Variants in KLK14 observed in about 807,000 individuals in gnomAD.
KLK14 encodes kallikrein-14.
A neutral mutation model predicts 24.6 loss-of-function variants in KLK14; 21 were observed. The ratio of observed to expected loss-of-function variants is 0.85; its 90% confidence interval spans 0.61 to 1.23. KLK14 has a LOEUF of 1.23. Ranked by LOEUF, KLK14 falls within the 50% of genes most tolerant of loss-of-function variation. The probability of loss-of-function intolerance (pLI) is 0.00; values close to 1 mark genes in which losing one functional copy is unlikely to be tolerated. For synonymous variants in KLK14, 133 were observed against 139.7 expected (o/e 0.95, Z 0.34); for missense variants, 320 against 338.9 (o/e 0.94, Z 0.44).
At position 51,081,561 on chromosome 19, in the gene KLK14, C is replaced by A; in HGVS notation, c.183G>T (p.Trp61Cys). ...LCGGALLSGQ[W>C]VITAAHCGRP... ...GGCCGCAGTGAGCAGCAGTGATGAC[C>A]CACTGGCCTGAAAGCAGGGCGCCTC... Residue 61 changes from tryptophan (W) to cysteine (C), a missense_variant, in exon 3 of 6, where the codon TGG becomes TGT. Coordinates refer to ENST00000650543, the MANE Select transcript of KLK14 (RefSeq NM_001369775.2). 6.5e-7 allele frequency: 1 copy of A among 1,542,392 alleles called. No homozygotes were observed.
Position 51,079,609 on chromosome 19 carries a change from G to A in KLK14, c.306C>T (p.Asn102=). The A allele has an allele frequency of 1.2e-6, 2 of 1,613,442 alleles. No individual in the cohort carries two copies. The highest frequency in any genetic ancestry group is 1.7e-6 in the Non-Finnish European group (2 of 1,179,748). ...LRVVRQVTHP[N]YNSRTHDNDL... ...CGTTGTCGTGGGTCCGGGAGTTGTA[G>A]TTGGGGTGCGTCACCTGACGAACCA... The change falls in exon 4 of 6, where the codon AAC becomes AAT. Residue 102 remains asparagine (N), a synonymous_variant. Transcript: ENST00000650543.
In KLK14 at chr19:51,078,144, G is replaced by C. The variant is rs1429940976; in HGVS notation, c.619C>G (p.Pro207Ala). 1.9e-6 allele frequency: 3 copies of C among 1,613,650 alleles called. No individual in the cohort carries two copies. The highest frequency in any genetic ancestry group is 2.5e-6 in the Non-Finnish European group (3 of 1,179,820). Reference protein sequence around the residue: ...KDSCQGDSGGPLVCRGQLQGL... With the variant: ...KDSCQGDSGGALVCRGQLQGL... Reference sequence around the variant, plus strand: ...TGGAGCTGTCCTCTGCACACCAGGGGTCCCCCAGAGTCACCCTGAGGGGGA... The same window carrying C: ...TGGAGCTGTCCTCTGCACACCAGGGCTCCCCCAGAGTCACCCTGAGGGGGA... The change falls in exon 6 of 6, where the codon CCC becomes GCC. Residue 207 changes from proline (P) to alanine (A), a missense_variant. By Grantham distance (27) the Pro-to-Ala change is conservative (BLOSUM62 -1). Transcript: ENST00000650543. This position sits in a 1 kb window ranked among gnomAD's most constrained non-coding sequence, Gnocchi z 5.0.
Position 51,078,863 on chromosome 19 carries a change from A to C in KLK14, c.555T>G (p.Pro185=). 1.2e-6 allele frequency: 2 copies of C among 1,614,074 alleles called. No homozygotes were observed. Among genetic ancestry groups the C allele is most frequent in the Non-Finnish European group, 1.7e-6 (2 of 1,179,944 alleles). Residue 185 remains proline (P), a synonymous_variant, in exon 5 of 6, where the codon CCT becomes CCG. Transcript: ENST00000650543. The surrounding 1 kb of genome is among the most constrained non-coding windows in gnomAD (Gnocchi z 5.0). ...GGGGAACTCCTGCACAGACCATGCCAGGCGTGATGGTTCTAGGATAGGCCT... is the reference window on the plus strand; with the variant it reads ...GGGGAACTCCTGCACAGACCATGCCCGGCGTGATGGTTCTAGGATAGGCCT... ...CQKAYPRTIT[P]GMVCAGVPQG...
At chr19:51,079,797 T>C (rs1308605342) in intron 3 of KLK14, 95 bp from the exon 4 acceptor site, 1 of 1,469,992 alleles carries the variant, frequency 6.8e-7, no homozygotes, top group East Asian at 2.5e-5. Context: ...TGACGAGTCT[T>C]CCCCGAGGTC....
In KLK14 at chr19:51,079,554, C is replaced by T. The variant is rs374701431; in HGVS notation, c.361G>A (p.Ala121Thr). 40 of 1,613,908 alleles carry T rather than the reference C, an allele frequency of 2.5e-5. No individual in the cohort carries two copies. The highest frequency in any genetic ancestry group is 2.1e-4 in the African/African-American group (16 of 75,050). The change falls in exon 4 of 6, where the codon GCA becomes ACA. Residue 121 changes from alanine to threonine, a missense_variant. By Grantham distance (58) the Ala-to-Thr change is moderately conservative. Transcript: ENST00000650543. ...DLMLLQLQQPARIGRAVRPIE... is the reference protein window; with the variant it reads ...DLMLLQLQQPTRIGRAVRPIE... ...GGCCTGACTGCCCTCCCGATCCGTG[C>T]GGGCTGCTGTAGCTGCAGCAGCATG... is the stretch of plus-strand genomic sequence containing the variant.
chr19:51,081,707 G>C lies in KLK14; in HGVS notation c.41-4C>G, dbSNP rs1260911206. The C allele has an allele frequency of 5.2e-6, 8 of 1,527,966 alleles. No homozygotes were observed. Among genetic ancestry groups the C allele is most frequent in the African/African-American group, 1.4e-5 (1 of 72,318 alleles). The allele number at this position is 1,527,966 out of a possible 1,614,324, so 94.7% of individuals were successfully genotyped here. The stretch of plus-strand genomic sequence containing the variant: ...TCCTCTTGGCTCTGTGTCATGGCTA[G>C]GAGTGGACAGGATTGGGTGGGGAAA... On this transcript the variant is annotated splice_region_variant and splice_polypyrimidine_tract_variant and intron_variant, in intron 2 of 5. Transcript: ENST00000650543.
In KLK14 at chr19:51,078,948, C is replaced by G. The variant is rs759760721; in HGVS notation, c.470G>C (p.Arg157Thr). 14 of 1,613,578 alleles carry G rather than the reference C, an allele frequency of 8.7e-6. No individual in the cohort carries two copies. The highest frequency in any genetic ancestry group is 1.2e-5 in the Non-Finnish European group (14 of 1,179,856). ...GWGTISSPIA[R>T]YPASLQCVNI... is the part of the protein sequence containing the mutation. ...CACGCATTGCAGAGAGGCGGGGTAC[C>G]TGGCTGGGGGACACTGCAGGGTTAT... is the stretch of plus-strand genomic sequence containing the variant. Residue 157 changes from arginine (R) to threonine (T), a missense_variant, in exon 5 of 6, where the codon AGG becomes ACG. By Grantham distance (71) the Arg-to-Thr change is moderately conservative (BLOSUM62 -1). Transcript: ENST00000650543. This position sits in a 1 kb window ranked among gnomAD's most constrained non-coding sequence, Gnocchi z 5.0.
upstream of KLK14, among the ~76,000 whole-genome samples, chr19:51,083,379 C>G (rs531154507): frequency 1.3e-4 from 10 of 79,022 alleles, no homozygotes; most frequent in Admixed American, 4.5e-4. Flanking sequence ...GACAGGGTGA[C>G]GGGGGGGAGA....
At chr19:51,080,610 T>A (rs1048604831) in intron 3 of KLK14, among the ~76,000 whole-genome samples, 73 of 152,228 alleles carry the variant, frequency 4.8e-4, no homozygotes, top group Non-Finnish European at 2.9e-4. Flanking sequence ...TAAGTTCAGA[T>A]CTAGAATTTA....
chr19:51,080,474 G>A (rs761318161), intron 3 of KLK14, among the ~76,000 whole-genome samples: 2 of 152,174 alleles, frequency 1.3e-5, no homozygotes, highest in Non-Finnish European at 2.9e-5. Flanking sequence ...CTAGAGTCTG[G>A]TTTGCATTCT....
rs930098853 is a variant in KLK14, at chr19:51,082,728, C to A, written c.-29G>T. The A allele has an allele frequency of 1.2e-6, 2 of 1,613,888 alleles. No homozygotes were observed. The highest frequency in any genetic ancestry group is 2.7e-5 in the African/African-American group (2 of 74,890). ...GACAGCAAGGGGCACTTACCCAGAG[C>A]CCAAGACCCTCAGGGACATGAAGAC... On this transcript the variant is annotated 5_prime_UTR_variant, in exon 1 of 6. Transcript: ENST00000650543.
chr19:51,082,850 T>C lies in KLK14; in HGVS notation c.-151A>G. The C allele has an allele frequency of 8.1e-7, 1 of 1,238,136 alleles. No homozygotes were observed. The allele number at this position is 1,238,136 out of a possible 1,614,324, so 76.7% of individuals were successfully genotyped here. ...TGTGGAGCAGGGCACAGGTCCCTCC[T>C]TGATGTCTTGATGAAGGAAGGAGGG... On this transcript the variant is annotated 5_prime_UTR_variant, in exon 1 of 6. Coordinates refer to ENST00000650543, the MANE Select transcript of KLK14 (RefSeq NM_001369775.2).
At chr19:51,081,456 C>T in intron 3 of KLK14, 76 bp downstream of exon 3, 1 of 1,323,978 alleles carries the variant, frequency 7.6e-7, no homozygotes, top group Non-Finnish European at 9.9e-7. Flanking sequence ...TACAGAGATC[C>T]AGGTTCTCAG....
chr19:51,077,661 G>A, downstream of KLK14: 1 of 260,044 alleles, frequency 3.8e-6, no homozygotes, highest in Non-Finnish European at 7.4e-6. Flanking sequence ...CTGGGTCTGA[G>A]GGAGGAGGGG....
chr19:51,081,722 G>A lies in KLK14; in HGVS notation c.41-19C>T. On this transcript the variant is annotated intron_variant, in intron 2 of 5. Coordinates refer to ENST00000650543, the MANE Select transcript of KLK14 (RefSeq NM_001369775.2). ...GTCATGGCTAGGAGTGGACAGGATTGGGTGGGGAAAGTAGATGAGCAAACA... is the reference window on the plus strand; with the variant it reads ...GTCATGGCTAGGAGTGGACAGGATTAGGTGGGGAAAGTAGATGAGCAAACA... 1.3e-6 allele frequency: 2 copies of A among 1,498,490 alleles called. No individual in the cohort carries two copies. The highest frequency in any genetic ancestry group is 1.3e-5 in the South Asian group (1 of 78,616). The allele number at this position is 1,498,490 out of a possible 1,614,324, so 92.8% of individuals were successfully genotyped here.
At chr19:51,079,743 G>A (rs2091828005) in intron 3 of KLK14, 41 bp from the exon 4 acceptor site, 3 of 1,525,196 alleles carry the variant, frequency 2.0e-6, no homozygotes, top group Non-Finnish European at 1.8e-6. Flanking sequence ...CAGGGTCTGA[G>A]CCAGAGACTC....
intron 3 of KLK14, 24 bp from the exon 4 acceptor site, chr19:51,079,726 C>G: frequency 6.5e-7 from 1 of 1,540,788 alleles, no homozygotes; most frequent in Non-Finnish European, 8.7e-7. Flanking sequence ...CCAAGAGAAG[C>G]GCTGCTCAGG....
upstream of KLK14, among the ~76,000 whole-genome samples, chr19:51,083,297 G>GAC (rs1362733501): frequency 1.3e-5 from 2 of 150,372 alleles, no homozygotes; most frequent in East Asian, 3.9e-4. Flanking sequence ...GAGAGAGAGA[G>GAC]AGAGAGAGAG....
At chr19:51,084,170 G>T (rs2091856846), upstream of KLK14, 1 of 152,680 alleles carries the variant, frequency 6.5e-6, no homozygotes, top group Non-Finnish European at 1.5e-5. Flanking sequence ...GAGAGATGGG[G>T]GAGCAGAGGC....
Sources: gnomAD v4.1 joint callset for allele counts (sites outside exome capture counted in the v4.1 genomes callset) on GRCh38, gnomAD v4.1.1 for gene constraint, Gnocchi (gnomAD v3.1) non-coding constraint, MANE v1.5 for transcripts, NCBI Gene and HGNC (gene_info 2026-07-23, HGNC 2026-07-21) for gene names.